Variants in PALM2AKAP2 observed in about 807,000 individuals in gnomAD.
PALM2AKAP2 encodes the protein PALM2 and AKAP2 fusion, also known as PALM2-AKAP2 fusion protein.
Under a neutral mutation model 71.5 loss-of-function variants are expected in PALM2AKAP2, and 37 were observed. That is an observed-to-expected ratio of 0.52 (90% confidence interval 0.40 to 0.68). The LOEUF is 0.68. Ranked by LOEUF, PALM2AKAP2 falls within the 30% of genes least tolerant of loss-of-function variation. The pLI is 0.00. For synonymous variants in PALM2AKAP2, 468 were observed against 478.8 expected, an observed-to-expected ratio of 0.98 and a Z score of 0.29; for missense variants, 1,224 against 1,191.8, an observed-to-expected ratio of 1.03 and a Z score of -0.40.
chr9:110,137,019 C>T (rs781202440), exon 2 of PALM2AKAP2: 23 of 1,613,984 alleles, frequency 1.4e-5, no homozygotes, highest in South Asian at 4.4e-5. Context: ...CATCTGGAGT[C>T]GCACAAAAAG....
upstream of PALM2AKAP2, chr9:109,780,331 A>G: frequency 6.8e-7 from 1 of 1,464,970 alleles, no homozygotes; most frequent in Admixed American, 2.3e-5. Flanking sequence ...CGCCGTGCGC[A>G]CAGCTCTGCC....
intron 6 of PALM2AKAP2, among the ~76,000 whole-genome samples, chr9:110,005,221 T>C (rs1832754818): frequency 1.3e-5 from 2 of 152,260 alleles, no homozygotes; most frequent in South Asian, 4.1e-4. Context: ...ATGTCCTTGC[T>C]GTTTGTTAGT....
At chr9:110,130,940 A>T (rs1412188936) in intron 1 of PALM2AKAP2, among the ~76,000 whole-genome samples, 1 of 152,172 alleles carries the variant, frequency 6.6e-6, no homozygotes, top group East Asian at 1.9e-4. Context: ...ATGAAAACCT[A>T]TTTCTCACCT....
chr9:109,896,149 C>T (rs1830195914), intron 3 of PALM2AKAP2, among the ~76,000 whole-genome samples: 1 of 152,134 alleles, frequency 6.6e-6, no homozygotes, highest in African/African-American at 2.4e-5. Context: ...CACACCATTG[C>T]ACTCCAGCCT....
rs149741060 is a variant in PALM2AKAP2 at position 109,991,478 on chromosome 9, A to G, written c.497-24476A>G. Reference sequence around the variant, plus strand: ...GGTCTAGAACTCCTGGACTCAAGCAATCCTCCTATCTTGGCCTCCCAAGGT... The same window carrying G: ...GGTCTAGAACTCCTGGACTCAAGCAGTCCTCCTATCTTGGCCTCCCAAGGT... On this transcript the variant is annotated intron_variant, in intron 6 of 9. Transcript: ENST00000302798. Among the ~76,000 whole-genome samples the G allele has an allele frequency of 5.2e-3, 794 of 152,182 alleles. 12 individuals are homozygous for G. The highest frequency in any genetic ancestry group is 2.4e-3 in the Non-Finnish European group (166 of 68,004).
intron 6 of PALM2AKAP2, among the ~76,000 whole-genome samples, chr9:109,997,915 T>G (rs1033931396): frequency 6.6e-6 from 1 of 152,222 alleles, no homozygotes; most frequent in Non-Finnish European, 1.5e-5. Context: ...AGCCAAGTGT[T>G]TAAAGGCAGA....
intron 6 of PALM2AKAP2, among the ~76,000 whole-genome samples, chr9:109,999,552 C>A (rs1393793737): frequency 6.6e-6 from 1 of 152,060 alleles, no homozygotes; most frequent in Non-Finnish European, 1.5e-5. Flanking sequence ...TTTTCTCCTT[C>A]GGCACTCTCT....
intron 3 of PALM2AKAP2, among the ~76,000 whole-genome samples, chr9:109,903,042 TG>T (rs530418644): frequency 4.6e-5 from 7 of 152,160 alleles, no homozygotes; most frequent in Non-Finnish European, 8.8e-5. Flanking sequence ...TTTTTCTGCT[TG>T]AGCTCATGAG....
chr9:109,905,374 G>A (rs1193350398), intron 3 of PALM2AKAP2, among the ~76,000 whole-genome samples: 2 of 149,470 alleles, frequency 1.3e-5, no homozygotes, highest in African/African-American at 2.5e-5. Context: ...AGATACTTCT[G>A]CCTCAACACC....
intron 6 of PALM2AKAP2, chr9:109,945,914 TG>T (rs1179041901): frequency 6.6e-6 from 1 of 152,220 alleles, no homozygotes; most frequent in Non-Finnish European, 1.5e-5. Context: ...ATTACTATTA[TG>T]GGGGAATAAT....
intron 1 of PALM2AKAP2, among the ~76,000 whole-genome samples, chr9:110,124,057 A>G (rs911940793): frequency 6.6e-6 from 1 of 152,246 alleles, no homozygotes; most frequent in Non-Finnish European, 1.5e-5. Context: ...GAACTCCCCA[A>G]TATTTCTAAA....
intron 6 of PALM2AKAP2, among the ~76,000 whole-genome samples, chr9:109,999,732 G>T (rs1832645668): frequency 6.6e-6 from 1 of 152,212 alleles, no homozygotes; most frequent in South Asian, 2.1e-4. Flanking sequence ...CACATGTCAG[G>T]GCTCTCCCTG....
chr9:110,005,112 G>T (rs1391716608), intron 6 of PALM2AKAP2, among the ~76,000 whole-genome samples: 2 of 152,214 alleles, frequency 1.3e-5, no homozygotes, highest in African/African-American at 4.8e-5. Flanking sequence ...CTGATTTTTA[G>T]AGTTTCCAGT....
At chr9:109,710,061 G>A (rs1296170468) in intron 1 of PALM2AKAP2, among the ~76,000 whole-genome samples, 2 of 152,206 alleles carry the variant, frequency 1.3e-5, no homozygotes, top group Non-Finnish European at 2.9e-5. Context: ...AGAGATTGGA[G>A]TGGCGTAACT....
At chr9:109,802,728 A>G (rs1827467117) in intron 1 of PALM2AKAP2, among the ~76,000 whole-genome samples, 3 of 152,212 alleles carry the variant, frequency 2.0e-5, no homozygotes, top group African/African-American at 7.2e-5. Context: ...CTGGAGAACT[A>G]GTCATATGAC....
At chr9:109,735,069 C>T (rs1474502931) in intron 1 of PALM2AKAP2, among the ~76,000 whole-genome samples, 1 of 151,618 alleles carries the variant, frequency 6.6e-6, no homozygotes, top group Non-Finnish European at 1.5e-5. Flanking sequence ...CCAAATATTA[C>T]CTTGGGCAAG....
chr9:109,703,786 C>T (rs75109428), intron 1 of PALM2AKAP2, among the ~76,000 whole-genome samples: 1 of 150,330 alleles, frequency 6.7e-6, no homozygotes, highest in African/African-American at 2.4e-5. Context: ...TGGGCAGGTA[C>T]TGAGGTAAAA....
chr9:109,643,452 G>T (rs368971475), intron 1 of PALM2AKAP2, among the ~76,000 whole-genome samples: 6 of 152,196 alleles, frequency 3.9e-5, no homozygotes, highest in Non-Finnish European at 8.8e-5. Flanking sequence ...TAGCACTTGG[G>T]TGCTCAATAA....
At chr9:110,013,152 C>T (rs1459288094) in intron 6 of PALM2AKAP2, among the ~76,000 whole-genome samples, 2 of 152,174 alleles carry the variant, frequency 1.3e-5, no homozygotes, top group Non-Finnish European at 2.9e-5. Context: ...CACTTGCAGG[C>T]TGACTGGGGC....
Sources: gnomAD v4.1 joint callset for allele counts (sites outside exome capture counted in the v4.1 genomes callset) on GRCh38, gnomAD v4.1.1 for gene constraint, MANE v1.5 for transcripts, NCBI Gene and HGNC (gene_info 2026-07-23, HGNC 2026-07-21) for gene names.